The following NFIX variants were observed in gnomAD, a reference collection of about 807,000 sequenced individuals.
NFIX encodes nuclear factor 1 X-type.
Under a neutral mutation model 53.3 loss-of-function variants are expected in NFIX, and 2 were observed. The ratio of observed to expected loss-of-function variants is 0.04; its 90% CI spans 0.02 to 0.12. The LOEUF is 0.12. Ranked by LOEUF, NFIX falls within the 10% of genes least tolerant of loss-of-function variation. The pLI, the probability that NFIX is intolerant of heterozygous loss-of-function variation, is 1.00. For missense variants in NFIX, 310 were observed against 674.5 expected (o/e 0.46, Z 5.99); for synonymous variants, 244 against 289.0 (o/e 0.84, Z 1.58).
Position 13,014,904 on chromosome 19 carries a change from G to A in NFIX, c.28-10117G>A, listed in dbSNP as rs2012571261. 6.6e-6 allele frequency among the ~76,000 whole-genome samples: 1 copy of A among 152,232 alleles called. No homozygotes were observed. The highest frequency in any genetic ancestry group is 6.5e-5 in the Admixed American group (1 of 15,284). On this transcript the variant is annotated intron_variant, in intron 1 of 10. Coordinates refer to ENST00000592199, the MANE Select transcript of NFIX (RefSeq NM_001365902.3). This position sits in a 1 kb window ranked among gnomAD's most constrained non-coding sequence, Gnocchi z 4.4. ...TGGTGGTAGGCGAGGTGGCTGCGGT[G>A]GCCCTTCCGCCAGGTGTGGGGTAGA...
At chr19:13,020,267 C>T (rs1195557038) in intron 1 of NFIX, among the ~76,000 whole-genome samples, 3 of 152,168 alleles carry the variant, frequency 2.0e-5, no homozygotes, top group African/African-American at 7.2e-5. Context: ...GTCTAGGGCT[C>T]ATGAGGGGCG....
chr19:13,055,636 G>A (rs1369102935), intron 2 of NFIX, among the ~76,000 whole-genome samples: 1 of 152,192 alleles, frequency 6.6e-6, no homozygotes, highest in Non-Finnish European at 1.5e-5. Context: ...GGGGGAGGGG[G>A]GGGTCTGCCT....
chr19:13,053,491 C>T (rs1197729617), intron 2 of NFIX, among the ~76,000 whole-genome samples: 18 of 152,142 alleles, frequency 1.2e-4, no homozygotes, highest in Non-Finnish European at 1.5e-5. Context: ...CGCCTGGAGG[C>T]GAGGATAACT....
chr19:13,047,348 T>C (rs918562759), intron 2 of NFIX, among the ~76,000 whole-genome samples: 2 of 152,112 alleles, frequency 1.3e-5, no homozygotes, highest in African/African-American at 2.4e-5. Context: ...ACTAAAAACA[T>C]TGGTCAGTTT....
At chr19:13,069,886 G>A (rs1473217356) in intron 2 of NFIX, 1 of 152,294 alleles carries the variant, frequency 6.6e-6, no homozygotes, top group Non-Finnish European at 1.5e-5. Flanking sequence ...CCACGAGGCA[G>A]GGCCTGGGGA....
intron 2 of NFIX, among the ~76,000 whole-genome samples, chr19:13,054,879 G>C (rs979975398): frequency 2.6e-5 from 4 of 152,164 alleles, no homozygotes; most frequent in African/African-American, 9.7e-5. Flanking sequence ...CACACACAGA[G>C]ACACACACAG....
Position 13,078,690 on chromosome 19 carries a change from G to A in NFIX, c.1033G>A (p.Ala345Thr). ...LSSQGSSPRMAFTHHPLPVLA... is the reference protein window; with the variant it reads ...LSSQGSSPRMTFTHHPLPVLA... ...CTCTCAGGGCAGCTCCCCGCGCATG[G>A]CTTTCACCCACCACCCGCTGCCTGT... The change falls in exon 7 of 11, where the codon GCT becomes ACT. Residue 345 changes from alanine to threonine, a missense_variant. By Grantham distance (58) the Ala-to-Thr change is moderately conservative. Coordinates refer to ENST00000592199, the MANE Select transcript of NFIX (RefSeq NM_001365902.3). This position sits in a 1 kb window ranked among gnomAD's most constrained non-coding sequence, Gnocchi z 4.7. 6.2e-7 allele frequency: 1 copy of A among 1,600,218 alleles called. No homozygotes were observed. The highest frequency in any genetic ancestry group is 8.5e-7 in the Non-Finnish European group (1 of 1,173,794).
chr19:13,029,806 G>C (rs755707984), intron 2 of NFIX, among the ~76,000 whole-genome samples: 11 of 152,150 alleles, frequency 7.2e-5, no homozygotes, highest in Admixed American at 6.5e-4. Flanking sequence ...TCTTGGTTTC[G>C]GCACTCTAGT....
Position 13,072,953 on chromosome 19 carries a change from CTGCT to C in NFIX, c.560-93_560-90del, listed in dbSNP as rs2016854762. On this transcript the variant is annotated intron_variant, in intron 2 of 10. Transcript: ENST00000592199. The surrounding 1 kb of genome is among the most constrained non-coding windows in gnomAD (Gnocchi z 4.0). ...TTTCTGTAGCCAGGGTGGGCCGTCCCTGCTCTTGCACCAGGCTGGAGGGGCCAAT... is the reference window on the plus strand; with the variant it reads ...TTTCTGTAGCCAGGGTGGGCCGTCCCCTTGCACCAGGCTGGAGGGGCCAAT... The C allele has an allele frequency of 7.9e-7, 1 of 1,261,344 alleles. No individual in the cohort carries two copies. The highest frequency in any genetic ancestry group is 1.2e-5 in the South Asian group (1 of 84,052). 78.1% of individuals were successfully genotyped at this position (1,261,344 alleles called of 1,614,324 possible).
rs758502557 is a variant in NFIX at position 13,090,253 on chromosome 19, C to T, written c.1403-46C>T. 3 of 1,588,426 alleles carry T rather than the reference C, an allele frequency of 1.9e-6. No homozygotes were observed. The highest frequency in any genetic ancestry group is 2.6e-6 in the Non-Finnish European group (3 of 1,156,850). ...CCCGAGGGGCAGTGCCCAGGTGGGC[C>T]CCAAGGCCTGACAGGGTCTCTCCCT... On this transcript the variant is annotated intron_variant, in intron 9 of 10. Transcript: ENST00000592199. The surrounding 1 kb of genome is among the most constrained non-coding windows in gnomAD (Gnocchi z 6.6).
rs1032898888 is a variant in NFIX, at chr19:13,067,888, C to A, written c.560-5159C>A. Reference sequence around the variant, plus strand: ...TGGGAGGCTGAGACGGGCGGATCACCAGGTCAGGAGATCGAGACCATCCTG... The same window carrying A: ...TGGGAGGCTGAGACGGGCGGATCACAAGGTCAGGAGATCGAGACCATCCTG... On this transcript the variant is annotated intron_variant, in intron 2 of 10. Transcript: ENST00000592199. This position sits in a 1 kb window ranked among gnomAD's most constrained non-coding sequence, Gnocchi z 4.2. 6.6e-6 allele frequency among the ~76,000 whole-genome samples: 1 copy of A among 151,958 alleles called. No individual in the cohort carries two copies. The highest frequency in any genetic ancestry group is 2.4e-5 in the African/African-American group (1 of 41,354).
intron 2 of NFIX, among the ~76,000 whole-genome samples, chr19:13,064,176 G>A (rs1441028955): frequency 2.0e-5 from 3 of 152,160 alleles, no homozygotes; most frequent in Non-Finnish European, 4.4e-5. Flanking sequence ...GGGGATAGAA[G>A]CTTCAGGGGC....
At position 13,072,008 on chromosome 19, in the gene NFIX, G is replaced by A. The variant is rs1046355852; in HGVS notation, c.560-1039G>A. On this transcript the variant is annotated intron_variant, in intron 2 of 10. Coordinates refer to ENST00000592199, the MANE Select transcript of NFIX (RefSeq NM_001365902.3). The surrounding 1 kb of genome is among the most constrained non-coding windows in gnomAD (Gnocchi z 4.0). ...GGAGGCAGGAATGCTCTTTAAAGTC[G>A]GGCAAAGCCCTGGCCAATACCAAGG... Among the ~76,000 whole-genome samples the A allele has an allele frequency of 3.3e-5, 5 of 152,212 alleles. No individual in the cohort carries two copies. The highest frequency in any genetic ancestry group is 7.3e-5 in the Non-Finnish European group (5 of 68,028).
At chr19:13,023,658 G>A (rs1179470302) in intron 1 of NFIX, among the ~76,000 whole-genome samples, 1 of 149,120 alleles carries the variant, frequency 6.7e-6, no homozygotes, top group Non-Finnish European at 1.5e-5. Context: ...ACTGGAAGAG[G>A]ATGCACAGGG....
chr19:13,069,150 C>T (rs778192461), intron 2 of NFIX, among the ~76,000 whole-genome samples: 12 of 152,210 alleles, frequency 7.9e-5, no homozygotes, highest in Non-Finnish European at 1.3e-4. Context: ...AGCACCCACT[C>T]TATCCCATCT....
Position 13,060,178 on chromosome 19 carries a change from C to G in NFIX, c.560-12869C>G, listed in dbSNP as rs1332287730. On this transcript the variant is annotated intron_variant, in intron 2 of 10. Coordinates refer to ENST00000592199, the MANE Select transcript of NFIX (RefSeq NM_001365902.3). The surrounding 1 kb of genome is among the most constrained non-coding windows in gnomAD (Gnocchi z 4.3). The stretch of plus-strand genomic sequence containing the variant: ...GTGGGAGTAAGCCTGTTCTCAGCTC[C>G]CCTTTACTAGGGACAGGTAATTCCA... Among the ~76,000 whole-genome samples the G allele has an allele frequency of 1.3e-5, 2 of 152,188 alleles. No homozygotes were observed. The highest frequency in any genetic ancestry group is 4.8e-5 in the African/African-American group (2 of 41,436).
rs2018462406 is a variant in NFIX at position 13,096,425 on chromosome 19, C to A, written c.*1776C>A. ...ACCTGGGGCCGTAGCGGCAGGCGAA[C>A]GGTGCCTGCTACCCAGCTGGAAGCC... On this transcript the variant is annotated 3_prime_UTR_variant, in exon 11 of 11. Transcript: ENST00000592199. The A allele has an allele frequency of 6.6e-6, 1 of 152,120 alleles. No individual in the cohort carries two copies. Among genetic ancestry groups the A allele is most frequent in the Non-Finnish European group, 1.5e-5 (1 of 68,032 alleles). 9.4% of individuals were successfully genotyped at this position (152,120 alleles called of 1,614,324 possible).
At position 13,077,425 on chromosome 19, in the gene NFIX, A is replaced by AGGACAGGGAACAGCTGG. The variant is rs1345772787; in HGVS notation, c.956-1184_956-1168dup. 2.0e-5 allele frequency among the ~76,000 whole-genome samples: 3 copies of AGGACAGGGAACAGCTGG among 152,150 alleles called. No homozygotes were observed. In the East Asian group the frequency reaches 5.8e-4, roughly 29 times the overall value. The stretch of plus-strand genomic sequence containing the variant: ...ATTGCCAATTAAGCAGCCCAGCTGC[A>AGGACAGGGAACAGCTGG]GGACAGGGAACAGCTGGGGAGGCAC... On this transcript the variant is annotated intron_variant, in intron 6 of 10. Coordinates refer to ENST00000592199, the MANE Select transcript of NFIX (RefSeq NM_001365902.3).
At chr19:13,082,363 C>T (rs931859287) in intron 8 of NFIX, 2 of 153,190 alleles carry the variant, frequency 1.3e-5, no homozygotes, top group Non-Finnish European at 2.9e-5. Flanking sequence ...CCAGGAGCAC[C>T]TCCTCCTCCC....
Sources: gnomAD v4.1 joint callset for allele counts (sites outside exome capture counted in the v4.1 genomes callset) on GRCh38, gnomAD v4.1.1 for gene constraint, Gnocchi (gnomAD v3.1) non-coding constraint, MANE v1.5 for transcripts, NCBI Gene and HGNC (gene_info 2026-07-23, HGNC 2026-07-21) for gene names.